The following ACACA variants were observed in gnomAD, a reference collection of about 807,000 sequenced individuals.
ACACA encodes the protein acetyl-CoA carboxylase alpha, also known as acetyl-CoA carboxylase 1.
Under a neutral mutation model 296.1 loss-of-function variants are expected in ACACA, and 103 were observed. The observed-to-expected ratio is 0.35, with a 90% confidence interval of 0.30 to 0.41. The LOEUF is 0.41. Ranked by LOEUF, ACACA falls within the 10% of genes least tolerant of loss-of-function variation. The pLI is 1.00. For synonymous variants in ACACA, 953 were observed against 1,038.6 expected (o/e 0.92, Z 1.58); for missense variants, 1,554 against 2,989.7 (o/e 0.52, Z 11.20).
intron 41 of ACACA, among the ~76,000 whole-genome samples, chr17:37,172,970 C>G (rs905647842): frequency 7.9e-5 from 12 of 152,152 alleles, no homozygotes; most frequent in Non-Finnish European, 1.5e-4. Context: ...TAACACATAT[C>G]TAAAAGACTG....
At chr17:37,240,431 G>C (rs771368059) in intron 24 of ACACA, 45 bp downstream of exon 24, 31 of 1,575,502 alleles carry the variant, frequency 2.0e-5, no homozygotes, top group Non-Finnish European at 2.6e-5. Context: ...TTGGTTATCA[G>C]AATCAAGGCT....
chr17:37,191,146 G>A lies in ACACA; in HGVS notation c.4546C>T (p.Pro1516Ser), dbSNP rs1309837371. 10 of 1,613,974 alleles carry A rather than the reference G, an allele frequency of 6.2e-6. No individual in the cohort carries two copies. The highest frequency in any genetic ancestry group is 8.5e-6 in the Non-Finnish European group (10 of 1,180,014). Reference protein sequence around the residue: ...DCNHIFLNFVPTVIMDPSKIE... With the variant: ...DCNHIFLNFVSTVIMDPSKIE... ...TTTGATGGGTCCATGATAACCGTGG[G>A]CACAAAGTTGAGGAAGATGTGGTTA... Residue 1516 changes from proline (P) to serine (S), a missense_variant, in exon 38 of 56, where the codon CCC (proline) becomes TCC (serine). Pro to Ser is a moderately conservative substitution (Grantham distance 74). Coordinates refer to ENST00000616317, the MANE Select transcript of ACACA (RefSeq NM_198834.3).
At chr17:37,141,159 C>A in intron 45 of ACACA, 1 of 520,452 alleles carries the variant, frequency 1.9e-6, no homozygotes, top group East Asian at 5.0e-5. Context: ...GCATAATCTT[C>A]AAAACCTCAT....
chr17:37,108,363 A>G (rs1015375889), intron 52 of ACACA, among the ~76,000 whole-genome samples: 1 of 152,076 alleles, frequency 6.6e-6, no homozygotes, highest in African/African-American at 2.4e-5. Flanking sequence ...AATATTACTC[A>G]TTCTTATAAA....
intron 1 of ACACA, among the ~76,000 whole-genome samples, chr17:37,354,786 C>T (rs2049057322): frequency 6.6e-6 from 1 of 152,042 alleles, no homozygotes; most frequent in South Asian, 2.1e-4. Flanking sequence ...TTAAAATTAG[C>T]TGGGCGCAGT....
intron 9 of ACACA, among the ~76,000 whole-genome samples, chr17:37,273,589 G>T (rs1392895280): frequency 6.6e-6 from 1 of 152,232 alleles, no homozygotes; most frequent in Non-Finnish European, 1.5e-5. Context: ...CTCTTTGTCA[G>T]CTCTCAGCCA....
Position 37,174,004 on chromosome 17 carries a change from A to T in ACACA, c.5079+5256T>A, listed in dbSNP as rs866260167. On this transcript the variant is annotated intron_variant, in intron 41 of 55. Coordinates refer to ENST00000616317, the MANE Select transcript of ACACA (RefSeq NM_198834.3). ...AATTTATATATATATATATATATAT[A>T]TATATATATATATATATTTTTTTTT... Among the ~76,000 whole-genome samples the T allele has an allele frequency of 7.1e-3, 79 of 11,150 alleles. 4 individuals are homozygous for T. Among genetic ancestry groups the T allele is most frequent in the African/African-American group, 0.051 (71 of 1,398 alleles). 7.3% of individuals were successfully genotyped at this position (11,150 alleles called of 152,430 possible).
chr17:37,380,971 G>C (rs1237787171), intron 1 of ACACA, among the ~76,000 whole-genome samples: 3 of 151,496 alleles, frequency 2.0e-5, no homozygotes, highest in African/African-American at 7.3e-5. Context: ...ATAGTGAAAA[G>C]TAAGTCTCTC....
At chr17:37,379,025 T>C (rs1186638295) in intron 1 of ACACA, 2 of 1,296,796 alleles carry the variant, frequency 1.5e-6, no homozygotes, top group Admixed American at 2.7e-5. Context: ...TGAGCCATGA[T>C]TGCGACACTG....
chr17:37,248,184 GT>G, intron 17 of ACACA, 28 bp from the exon 18 acceptor site: 1 of 1,613,894 alleles, frequency 6.2e-7, no homozygotes, highest in Non-Finnish European at 8.5e-7. Flanking sequence ...GAGGATCAGT[GT>G]GTCCCTTCCA....
At chr17:37,127,678 T>C (rs915670991) in intron 47 of ACACA, among the ~76,000 whole-genome samples, 2 of 152,066 alleles carry the variant, frequency 1.3e-5, no homozygotes, top group Admixed American at 6.5e-5. Flanking sequence ...ACCCCGTCTC[T>C]ACTAAAATTA....
rs761815090 is a variant in ACACA at position 37,263,639 on chromosome 17, A to G, written c.1329+46T>C. 3 of 1,502,820 alleles carry G rather than the reference A, an allele frequency of 2.0e-6. No homozygotes were observed. The African/African-American group carries it at 4.1e-5, about 21-fold the overall frequency. The allele number at this position is 1,502,820 out of a possible 1,614,324, so 93.1% of individuals were successfully genotyped here. ...GATTGGTACATGAACTGAATGAAAA[A>G]TGTTCTATGTAAGAAAACATAAAGT... On this transcript the variant is annotated intron_variant, in intron 11 of 55. Transcript: ENST00000616317.
At chr17:37,222,331 C>T (rs1299936686) in intron 28 of ACACA, among the ~76,000 whole-genome samples, 1 of 152,122 alleles carries the variant, frequency 6.6e-6, no homozygotes, top group Non-Finnish European at 1.5e-5. Flanking sequence ...CCCGACTTCC[C>T]CACCCGCTCA....
rs754071297 is a variant in ACACA at position 37,330,155 on chromosome 17, C to A, written c.338+18G>T. On this transcript the variant is annotated intron_variant, in intron 3 of 55. Coordinates refer to ENST00000616317, the MANE Select transcript of ACACA (RefSeq NM_198834.3). Reference sequence around the variant, plus strand: ...AACAAGACAGATTAAATAAGTAGACCATTGAACTCTCTCTTACCTTATGTG... The same window carrying A: ...AACAAGACAGATTAAATAAGTAGACAATTGAACTCTCTCTTACCTTATGTG... 8.7e-6 allele frequency: 14 copies of A among 1,613,730 alleles called. No individual in the cohort carries two copies. Among genetic ancestry groups the A allele is most frequent in the Non-Finnish European group, 1.2e-5 (14 of 1,179,836 alleles).
At chr17:37,217,592 G>A (rs1295910648) in intron 29 of ACACA, among the ~76,000 whole-genome samples, 5 of 151,420 alleles carry the variant, frequency 3.3e-5, no homozygotes, top group South Asian at 2.1e-4. Context: ...AAAATTAGCC[G>A]GGCATCATGG....
intron 1 of ACACA, among the ~76,000 whole-genome samples, chr17:37,406,023 C>T (rs1334115603): frequency 6.6e-6 from 1 of 151,948 alleles, no homozygotes; most frequent in Non-Finnish European, 1.5e-5. Context: ...TCAGATAAAC[C>T]ATGGTTTGAA....
intron 29 of ACACA, among the ~76,000 whole-genome samples, chr17:37,217,759 A>AAT (rs1555601700): frequency 3.9e-4 from 52 of 134,580 alleles, no homozygotes; most frequent in Non-Finnish European, 6.1e-4. Context: ...AAAAAAAAAA[A>AAT]AAAAACAACC....
At chr17:37,192,011 A>G in intron 37 of ACACA, 79 bp downstream of exon 37, 1 of 1,408,336 alleles carries the variant, frequency 7.1e-7, no homozygotes, top group Non-Finnish European at 1.0e-6. Flanking sequence ...CAGCAGAAGC[A>G]TAATACCTAA....
intron 3 of ACACA, among the ~76,000 whole-genome samples, chr17:37,295,560 G>C (rs1003163306): frequency 6.6e-6 from 1 of 152,092 alleles, no homozygotes; most frequent in Admixed American, 6.6e-5. Flanking sequence ...AGGTAAATGT[G>C]GGGGGATAAC....
Sources: allele counts gnomAD v4.1 joint callset (sites outside exome capture counted in the v4.1 genomes callset), GRCh38; gene constraint gnomAD v4.1.1; transcripts MANE v1.5; gene names NCBI Gene and HGNC (gene_info 2026-07-23, HGNC 2026-07-21).